FBL: variants seen among roughly 807,000 people sequenced by gnomAD.
FBL encodes rRNA 2'-O-methyltransferase fibrillarin.
A neutral mutation model predicts 42.2 loss-of-function variants in FBL; 10 were observed. That is an observed-to-expected ratio of 0.24 (90% CI 0.15 to 0.40). The LOEUF (loss-of-function observed/expected upper bound fraction) is 0.40. FBL is among the 10% of genes least tolerant of loss of function. FBL has a pLI of 1.00. For missense variants in FBL, 351 were observed against 439.2 expected (o/e 0.80, Z 1.79); for synonymous variants, 165 against 165.4 (o/e 1.00, Z 0.02).
chr19:39,837,892 G>A (rs1189802671), intron 5 of FBL, 49 bp from the exon 6 acceptor site: 4 of 1,559,626 alleles, frequency 2.6e-6, no homozygotes, highest in Non-Finnish European at 3.5e-6. Context: ...TCTCATGCAT[G>A]GAGTGCCTAC....
Position 39,834,506 on chromosome 19 carries a change from C to A in FBL, c.*32G>T, listed in dbSNP as rs752550516. On this transcript the variant is annotated 3_prime_UTR_variant, in exon 9 of 9. Coordinates refer to ENST00000221801, the MANE Select transcript of FBL (RefSeq NM_001436.4). ...AAACACACGTGCAACAGTATCAACA[C>A]ACATCTCTCGCAATCCTGACAGCGC... 6.2e-7 allele frequency: 1 copy of A among 1,613,536 alleles called. No individual in the cohort carries two copies. The highest frequency in any genetic ancestry group is 8.5e-7 in the Non-Finnish European group (1 of 1,179,486).
chr19:39,834,899 T>C lies in FBL; in HGVS notation c.796-86A>G, dbSNP rs548697143. The C allele has an allele frequency of 5.7e-6, 8 of 1,404,064 alleles. No individual in the cohort carries two copies. In the African/African-American group the frequency reaches 8.5e-5, roughly 15 times the overall value. The allele number at this position is 1,404,064 out of a possible 1,614,324, so 87.0% of individuals were successfully genotyped here. A position where few individuals can be genotyped will look rare whatever the true frequency, so the allele number is the denominator to read the frequency against. On this transcript the variant is annotated intron_variant, in intron 7 of 8. Coordinates refer to ENST00000221801, the MANE Select transcript of FBL (RefSeq NM_001436.4). Reference sequence around the variant, plus strand: ...CTCTTTAAACCAGATGTTTTCATTATTAATTCAAGTAAAACTCAGTGCTAT... The same window carrying C: ...CTCTTTAAACCAGATGTTTTCATTACTAATTCAAGTAAAACTCAGTGCTAT...
In FBL at chr19:39,836,538, C is replaced by T; in HGVS notation, c.795+18G>A. 1.3e-6 allele frequency: 2 copies of T among 1,563,170 alleles called. No individual in the cohort carries two copies. The highest frequency in any genetic ancestry group is 1.8e-6 in the Non-Finnish European group (2 of 1,134,446). ...TAGAACACTGCCACCCCATCTTAGA[C>T]TCTTCCAAACCCCGCACCTTAATGG... On this transcript the variant is annotated intron_variant, in intron 7 of 8. Coordinates refer to ENST00000221801, the MANE Select transcript of FBL (RefSeq NM_001436.4).
In FBL at chr19:39,835,196, G is replaced by A. The variant is rs574115261; in HGVS notation, c.796-383C>T. Among the ~76,000 whole-genome samples, 8 of 152,324 alleles carry A rather than the reference G, an allele frequency of 5.3e-5. No individual in the cohort carries two copies. In the East Asian group the frequency reaches 1.5e-3, roughly 29 times the overall value. On this transcript the variant is annotated intron_variant, in intron 7 of 8. Transcript: ENST00000221801. ...TTGGACTTTCCAGCCTTTGGAACTGGGAGCCAAATAAATTTCCATTCATTA... is the reference window on the plus strand; with the variant it reads ...TTGGACTTTCCAGCCTTTGGAACTGAGAGCCAAATAAATTTCCATTCATTA...
chr19:39,834,916 C>T, intron 7 of FBL, 103 bp from the exon 8 acceptor site: 3 of 1,248,740 alleles, frequency 2.4e-6, no homozygotes, highest in East Asian at 2.4e-5. Context: ...AAGTAAAACT[C>T]AGTGCTATGG....
intron 1 of FBL, among the ~76,000 whole-genome samples, chr19:39,843,615 C>T (rs1969202948): frequency 6.6e-6 from 1 of 152,040 alleles, no homozygotes; most frequent in Non-Finnish European, 1.5e-5. Flanking sequence ...ACTAAAAATA[C>T]AAAAAATTAG....
At chr19:39,835,082 G>A (rs1969009148) in intron 7 of FBL, among the ~76,000 whole-genome samples, 1 of 152,220 alleles carries the variant, frequency 6.6e-6, no homozygotes. Flanking sequence ...CTGATTAAAA[G>A]GATGATTATG....
In FBL at chr19:39,838,119, A is replaced by G. The variant is rs1459528380; in HGVS notation, c.550-276T>C. On this transcript the variant is annotated intron_variant, in intron 5 of 8. Transcript: ENST00000221801. Reference sequence around the variant, plus strand: ...ACAGAGGCTTAAAACCAGGAAGCCAAGGCACAGAGATGATGTAACAATGGG... The same window carrying G: ...ACAGAGGCTTAAAACCAGGAAGCCAGGGCACAGAGATGATGTAACAATGGG... 11 of 394,974 alleles carry G rather than the reference A, an allele frequency of 2.8e-5. No homozygotes were observed. In the South Asian group the frequency reaches 3.3e-4, roughly 12 times the overall value. 24.5% of individuals were successfully genotyped at this position (394,974 alleles called of 1,614,324 possible).
intron 7 of FBL, among the ~76,000 whole-genome samples, 173 bp downstream of exon 7, chr19:39,836,383 G>A (rs189867990): frequency 5.8e-4 from 88 of 152,166 alleles, no homozygotes; most frequent in Middle Eastern, 3.4e-3. Context: ...AAACTCAGAT[G>A]GTCAGACTCA....
At chr19:39,842,822 C>G (rs1184355145) in intron 1 of FBL, among the ~76,000 whole-genome samples, 2 of 152,176 alleles carry the variant, frequency 1.3e-5, no homozygotes, top group East Asian at 3.9e-4. Context: ...AGGTGCAGCC[C>G]ACATTGAGTA....
intron 7 of FBL, among the ~76,000 whole-genome samples, chr19:39,835,372 A>T (rs1162638115): frequency 6.6e-6 from 1 of 152,118 alleles, no homozygotes; most frequent in African/African-American, 2.4e-5. Flanking sequence ...TACAAAAATT[A>T]GTCGGGTGTG....
At chr19:39,837,415 C>CT (rs1262033738) in intron 6 of FBL, among the ~76,000 whole-genome samples, 2 of 152,054 alleles carry the variant, frequency 1.3e-5, no homozygotes, top group Non-Finnish European at 2.9e-5. Context: ...CAAAAGGAGG[C>CT]TTTTTATGGA....
intron 1 of FBL, among the ~76,000 whole-genome samples, chr19:39,842,663 A>C (rs572270816): frequency 6.6e-6 from 1 of 152,062 alleles, no homozygotes; most frequent in African/African-American, 2.4e-5. Flanking sequence ...AATCCCTCCA[A>C]TGGTTTTCCA....
chr19:39,846,189 C>A, intron 1 of FBL, 102 bp downstream of exon 1: 1 of 1,381,308 alleles, frequency 7.2e-7, no homozygotes, highest in Non-Finnish European at 1.0e-6. Context: ...GTGCTCAGAA[C>A]CCCTGCCCCC....
chr19:39,839,859 C>G (rs895964299), intron 4 of FBL, among the ~76,000 whole-genome samples: 1 of 152,118 alleles, frequency 6.6e-6, no homozygotes, highest in Non-Finnish European at 1.5e-5. Flanking sequence ...TGCCTTGACC[C>G]GCAGAGTGGT....
At chr19:39,843,411 A>G (rs1441510107) in intron 1 of FBL, among the ~76,000 whole-genome samples, 2 of 152,076 alleles carry the variant, frequency 1.3e-5, no homozygotes, top group East Asian at 3.8e-4. Flanking sequence ...TGTTGCTGCC[A>G]CTCTCGACCC....
intron 1 of FBL, among the ~76,000 whole-genome samples, chr19:39,844,010 A>T (rs2145067401): frequency 6.6e-6 from 1 of 152,152 alleles, no homozygotes; most frequent in East Asian, 1.9e-4. Flanking sequence ...TCTATTAAAG[A>T]TGAAAATGTA....
chr19:39,844,268 A>G (rs1040740093), intron 1 of FBL, among the ~76,000 whole-genome samples: 2 of 152,210 alleles, frequency 1.3e-5, no homozygotes, highest in African/African-American at 4.8e-5. Context: ...GGCTTATGAA[A>G]GTCTCAACCC....
Position 39,840,976 on chromosome 19 carries a change from A to T in FBL, c.11-189T>A, listed in dbSNP as rs1455112940. On this transcript the variant is annotated intron_variant, in intron 1 of 8. Transcript: ENST00000221801. This position sits in a 1 kb window ranked among gnomAD's most constrained non-coding sequence, Gnocchi z 4.5. ...CCAAATGTCCATCAATAGAATGGGC[A>T]AATAAAATAGAAGACATTCACAATC... Among the ~76,000 whole-genome samples, 1 of 152,252 alleles carries T rather than the reference A, an allele frequency of 6.6e-6. No homozygotes were observed. Among genetic ancestry groups the T allele is most frequent in the East Asian group, 1.9e-4 (1 of 5,208 alleles).
Sources: gnomAD v4.1 joint callset for allele counts (sites outside exome capture counted in the v4.1 genomes callset) on GRCh38, gnomAD v4.1.1 for gene constraint, Gnocchi (gnomAD v3.1) non-coding constraint, MANE v1.5 for transcripts, NCBI Gene and HGNC (gene_info 2026-07-23, HGNC 2026-07-21) for gene names.